The following ETV6 variants were observed in gnomAD, a reference collection of about 807,000 sequenced individuals.
ETV6 encodes the protein transcription factor ETV6.
A neutral mutation model predicts 51.1 loss-of-function variants in ETV6; 16 were observed. That is an observed-to-expected ratio of 0.31 (90% CI 0.21 to 0.48). The LOEUF (loss-of-function observed/expected upper bound fraction) is 0.48, where lower values mean the gene tolerates loss of function less well. Among genes scored for constraint, ETV6 ranks in the 20% least tolerant of loss-of-function variants. The probability of loss-of-function intolerance (pLI) is 0.99; values close to 1 mark genes in which losing one functional copy is unlikely to be tolerated. For missense variants in ETV6, 458 were observed against 594.8 expected (o/e 0.77, Z 2.39); for synonymous variants, 240 against 224.1 (o/e 1.07, Z -0.64).
chr12:11,791,896 A>G (rs904890496), intron 2 of ETV6, among the ~76,000 whole-genome samples: 1 of 152,134 alleles, frequency 6.6e-6, no homozygotes, highest in Non-Finnish European at 1.5e-5. Context: ...CCTTGGGCCT[A>G]CTAATCTTCA....
At chr12:11,797,753 G>A (rs571937256) in intron 2 of ETV6, among the ~76,000 whole-genome samples, 2 of 152,314 alleles carry the variant, frequency 1.3e-5, no homozygotes, top group African/African-American at 4.8e-5. Flanking sequence ...GGCCGTAGGG[G>A]CAGACAGCCA....
In ETV6 at chr12:11,857,739, C is replaced by T. The variant is rs548968906; in HGVS notation, c.463+4178C>T. On this transcript the variant is annotated intron_variant, in intron 4 of 7. Transcript: ENST00000396373. ...ATTTTAAAGGATGAGATCTGGAAAC[C>T]GGGAAACCAGGTCCTAACCCTTCAT... Among the ~76,000 whole-genome samples the T allele has an allele frequency of 1.1e-4, 16 of 152,198 alleles. No individual in the cohort carries two copies. In the East Asian group the frequency reaches 1.7e-3, roughly 17 times the overall value.
At chr12:11,676,110 GT>G (rs1413279477) in intron 1 of ETV6, among the ~76,000 whole-genome samples, 1 of 152,158 alleles carries the variant, frequency 6.6e-6, no homozygotes, top group Admixed American at 6.5e-5. Context: ...TTCTTTGTCA[GT>G]TTGGAATGGG....
chr12:11,785,880 T>C (rs995299964), intron 2 of ETV6, among the ~76,000 whole-genome samples: 2 of 152,212 alleles, frequency 1.3e-5, no homozygotes, highest in African/African-American at 4.8e-5. Context: ...CTTGAGTAAC[T>C]CTGGACACTG....
At chr12:11,849,169 G>C (rs908579037) in intron 3 of ETV6, among the ~76,000 whole-genome samples, 1 of 152,152 alleles carries the variant, frequency 6.6e-6, no homozygotes, top group Non-Finnish European at 1.5e-5. Flanking sequence ...GGAGTGCAGT[G>C]ATGTGATCAC....
chr12:11,716,132 G>A (rs1339487814), intron 1 of ETV6, among the ~76,000 whole-genome samples: 3 of 151,838 alleles, frequency 2.0e-5, no homozygotes, highest in African/African-American at 2.4e-5. Flanking sequence ...AGGCCGAGGC[G>A]GGTGGATCAC....
At chr12:11,675,414 A>G (rs575760668) in intron 1 of ETV6, among the ~76,000 whole-genome samples, 3 of 152,374 alleles carry the variant, frequency 2.0e-5, no homozygotes, top group East Asian at 1.9e-4. Flanking sequence ...TTTGGAAAAT[A>G]TACTTTCTCA....
At chr12:11,712,949 T>G (rs1277871047) in intron 1 of ETV6, among the ~76,000 whole-genome samples, 3 of 152,202 alleles carry the variant, frequency 2.0e-5, no homozygotes, top group African/African-American at 7.2e-5. Flanking sequence ...CTGCCTCGTT[T>G]ACTTTCCTTC....
intron 7 of ETV6, among the ~76,000 whole-genome samples, 170 bp downstream of exon 7, chr12:11,886,196 A>T (rs1301173496): frequency 6.6e-6 from 1 of 151,570 alleles, no homozygotes; most frequent in African/African-American, 2.4e-5. Flanking sequence ...TAAGGAAAAT[A>T]TTTTTTTAAC....
At chr12:11,671,349 G>A (rs1432485037) in intron 1 of ETV6, among the ~76,000 whole-genome samples, 1 of 152,172 alleles carries the variant, frequency 6.6e-6, no homozygotes, top group Non-Finnish European at 1.5e-5. Flanking sequence ...AGTTCTGACT[G>A]AGAGGCACTT....
At chr12:11,796,633 G>A (rs1028598364) in intron 2 of ETV6, among the ~76,000 whole-genome samples, 3 of 152,190 alleles carry the variant, frequency 2.0e-5, no homozygotes, top group Non-Finnish European at 4.4e-5. Flanking sequence ...CAGAGCTTCC[G>A]CTGTGCACTG....
intron 2 of ETV6, chr12:11,752,797 CT>C: frequency 2.3e-6 from 1 of 440,356 alleles, no homozygotes; most frequent in East Asian, 3.5e-5. Context: ...TCTTCCCTGA[CT>C]ATGACATGTT....
Position 11,758,451 on chromosome 12 carries a change from G to C in ETV6, c.163+5872G>C, listed in dbSNP as rs184869049. 1.2e-3 allele frequency among the ~76,000 whole-genome samples: 183 copies of C among 152,228 alleles called. 1 individual carries two copies. The highest frequency in any genetic ancestry group is 4.1e-3 in the African/African-American group (172 of 41,520). On this transcript the variant is annotated intron_variant, in intron 2 of 7. Transcript: ENST00000396373. ...TGTTTCATTAAAGAAAGGACCTAGG[G>C]TTCTGTCTGTGTATTATTGAGACTA...
chr12:11,656,737 A>G (rs1431015988), intron 1 of ETV6, among the ~76,000 whole-genome samples: 1 of 151,740 alleles, frequency 6.6e-6, no homozygotes, highest in Non-Finnish European at 1.5e-5. Context: ...TGGAAATCTG[A>G]GAGATTGTGT....
At chr12:11,878,603 C>G (rs1477456522) in intron 5 of ETV6, among the ~76,000 whole-genome samples, 1 of 152,004 alleles carries the variant, frequency 6.6e-6, no homozygotes, top group Non-Finnish European at 1.5e-5. Context: ...TTCTTCTGCC[C>G]CAGGAAGCCA....
At chr12:11,736,648 G>A (rs183244844) in intron 1 of ETV6, among the ~76,000 whole-genome samples, 1 of 152,304 alleles carries the variant, frequency 6.6e-6, no homozygotes, top group East Asian at 1.9e-4. Flanking sequence ...AGTAGGTAAG[G>A]TGTTCCAGGA....
intron 2 of ETV6, among the ~76,000 whole-genome samples, chr12:11,817,472 A>G (rs1313478843): frequency 2.6e-5 from 4 of 152,198 alleles, no homozygotes; most frequent in Non-Finnish European, 5.9e-5. Flanking sequence ...ATAAGAACCA[A>G]AAAATAAATC....
At chr12:11,877,370 AAAG>A (rs1240981443) in intron 5 of ETV6, among the ~76,000 whole-genome samples, 1 of 151,958 alleles carries the variant, frequency 6.6e-6, no homozygotes, top group Non-Finnish European at 1.5e-5. Context: ...AGACCTCGTA[AAAG>A]AGAAGTGTGA....
intron 2 of ETV6, among the ~76,000 whole-genome samples, chr12:11,814,813 T>C (rs992649425): frequency 2.6e-5 from 4 of 152,228 alleles, no homozygotes; most frequent in Admixed American, 2.6e-4. Context: ...AAAAATGTAC[T>C]GCAGGGAAAG....
Sources: gnomAD v4.1 joint callset for allele counts (sites outside exome capture counted in the v4.1 genomes callset) on GRCh38, gnomAD v4.1.1 for gene constraint, MANE v1.5 for transcripts, NCBI Gene and HGNC (gene_info 2026-07-23, HGNC 2026-07-21) for gene names.